Variants in TINAG observed in about 807,000 individuals in gnomAD.
The protein encoded by TINAG is tubulointerstitial nephritis antigen.
A neutral mutation model predicts 72.7 loss-of-function variants in TINAG; 83 were observed. The ratio of observed to expected loss-of-function variants is 1.14; its 90% confidence interval spans 0.96 to 1.37. The LOEUF (loss-of-function observed/expected upper bound fraction) is 1.37. Ranked by LOEUF, TINAG falls within the 40% of genes most tolerant of loss-of-function variation. The probability of loss-of-function intolerance (pLI) is 0.00; values close to 1 mark genes in which losing one functional copy is unlikely to be tolerated. For synonymous variants in TINAG, 234 were observed against 189.9 expected, an observed-to-expected ratio of 1.23 and a Z score of -1.91; for missense variants, 685 against 576.6, an observed-to-expected ratio of 1.19 and a Z score of -1.93.
intron 9 of TINAG, among the ~76,000 whole-genome samples, chr6:54,357,785 T>G (rs913641193): frequency 7.2e-5 from 11 of 151,976 alleles, no homozygotes; most frequent in Non-Finnish European, 1.5e-4. Flanking sequence ...CAAATTTTAC[T>G]GCATTGATCT....
intron 6 of TINAG, 52 bp from the exon 7 acceptor site, chr6:54,349,664 A>G (rs748040643): frequency 2.9e-6 from 4 of 1,402,746 alleles, no homozygotes; most frequent in Non-Finnish European, 2.9e-6. Flanking sequence ...TAAAAAGGAT[A>G]TTACGACATT....
chr6:54,361,145 GC>G (rs1022535960), intron 9 of TINAG, among the ~76,000 whole-genome samples: 2 of 151,046 alleles, frequency 1.3e-5, no homozygotes, highest in African/African-American at 4.9e-5. Context: ...TATCAATGGG[GC>G]GTTCTCCCTT....
chr6:54,343,347 C>A lies in TINAG; in HGVS notation c.746C>A (p.Ala249Glu). Residue 249 changes from alanine (A) to glutamate (E), a missense_variant and splice_region_variant, in exon 5 of 11, where the codon GCA becomes GAA. Coordinates refer to ENST00000259782, the MANE Select transcript of TINAG (RefSeq NM_014464.4). The part of the protein sequence containing the change: ...NCAASWAFST[A>E]SVAADRIAIQ... The stretch of plus-strand genomic sequence containing the variant: ...GCTGCATCCTGGGCATTTTCCACTG[C>A]AAGTAATAAAGTCATTTTAATTCCT... 6.5e-7 allele frequency: 1 copy of A among 1,532,318 alleles called. No individual in the cohort carries two copies. The highest frequency in any genetic ancestry group is 8.8e-7 in the Non-Finnish European group (1 of 1,136,630). The allele number at this position is 1,532,318 out of a possible 1,614,324, so 94.9% of individuals were successfully genotyped here.
intron 4 of TINAG, among the ~76,000 whole-genome samples, chr6:54,339,991 G>A (rs1784958942): frequency 6.6e-6 from 1 of 152,106 alleles, no homozygotes; most frequent in African/African-American, 2.4e-5. Context: ...AGGTTCCTGA[G>A]AAAATTGATC....
At chr6:54,382,378 T>C (rs987348281) in intron 10 of TINAG, among the ~76,000 whole-genome samples, 2 of 152,080 alleles carry the variant, frequency 1.3e-5, no homozygotes, top group African/African-American at 4.8e-5. Context: ...GATTGGTACA[T>C]AGTGAGAATA....
chr6:54,313,299 G>A (rs1346099050), intron 1 of TINAG, among the ~76,000 whole-genome samples: 1 of 151,968 alleles, frequency 6.6e-6, no homozygotes, highest in African/African-American at 2.4e-5. Flanking sequence ...GATTAGTTAG[G>A]GATCGTATTC....
chr6:54,357,797 C>T (rs1157686172), intron 9 of TINAG, among the ~76,000 whole-genome samples: 4 of 151,902 alleles, frequency 2.6e-5, no homozygotes, highest in East Asian at 3.9e-4. Flanking sequence ...CATTGATCTT[C>T]GCTCCTTGAC....
At chr6:54,309,141 G>A (rs949441403) in intron 1 of TINAG, among the ~76,000 whole-genome samples, 2 of 152,064 alleles carry the variant, frequency 1.3e-5, no homozygotes, top group East Asian at 1.9e-4. Flanking sequence ...CGTGCTGATC[G>A]GAATCCTGAT....
intron 4 of TINAG, among the ~76,000 whole-genome samples, chr6:54,338,541 G>T (rs914225098): frequency 4.6e-5 from 7 of 152,034 alleles, no homozygotes; most frequent in African/African-American, 1.7e-4. Flanking sequence ...CTAACACGGT[G>T]AAACCCCGTT....
intron 9 of TINAG, among the ~76,000 whole-genome samples, chr6:54,363,034 C>T (rs936642728): frequency 4.0e-5 from 6 of 151,574 alleles, no homozygotes; most frequent in South Asian, 4.2e-4. Context: ...TGAGAAACGT[C>T]GCTGAGGAAG....
At chr6:54,323,950 T>C (rs1784549014) in intron 3 of TINAG, among the ~76,000 whole-genome samples, 1 of 152,102 alleles carries the variant, frequency 6.6e-6, no homozygotes, top group African/African-American at 2.4e-5. Flanking sequence ...TGAGATTCTG[T>C]CTCAAACAAA....
At chr6:54,366,055 G>T (rs1156929966) in intron 9 of TINAG, among the ~76,000 whole-genome samples, 1 of 151,562 alleles carries the variant, frequency 6.6e-6, no homozygotes, top group African/African-American at 2.4e-5. Context: ...AATCACGGTA[G>T]TAGAACTATC....
intron 10 of TINAG, among the ~76,000 whole-genome samples, chr6:54,386,068 T>G (rs1764091544): frequency 6.6e-6 from 1 of 151,900 alleles, no homozygotes; most frequent in South Asian, 2.1e-4. Flanking sequence ...ATATTCGTAT[T>G]TTTGGTAGAG....
intron 9 of TINAG, among the ~76,000 whole-genome samples, chr6:54,376,586 A>T (rs1052190476): frequency 6.6e-6 from 1 of 152,192 alleles, no homozygotes; most frequent in African/African-American, 2.4e-5. Context: ...TTCTGTTCCA[A>T]TAATTTTACT....
At chr6:54,357,543 T>C (rs939413058) in intron 9 of TINAG, among the ~76,000 whole-genome samples, 2 of 152,072 alleles carry the variant, frequency 1.3e-5, no homozygotes, top group Middle Eastern at 3.4e-3. Flanking sequence ...AGCATCAATC[T>C]TTTCTATCTT....
chr6:54,316,214 A>G (rs1225397793), intron 1 of TINAG, among the ~76,000 whole-genome samples: 3 of 152,178 alleles, frequency 2.0e-5, no homozygotes, highest in Non-Finnish European at 1.5e-5. Flanking sequence ...CACAGGACAA[A>G]TATCAGTCCT....
rs1058768 is a variant in TINAG, at chr6:54,321,349, T to C, written c.472T>C (p.Ser158Pro). ...KCSQHVCLVR[S>P]ELIEQVNKGD... ...TTCCCAGCATGTATGCCTTGTTCGT[T>C]CAGAATTAATTGAACAGGTCAATAA... Residue 158 changes from serine to proline, a missense_variant, in exon 3 of 11, where the codon TCA becomes CCA. By Grantham distance (74) the Ser-to-Pro change is moderately conservative (BLOSUM62 -1). Transcript: ENST00000259782. 1,078,540 of 1,612,260 alleles carry C rather than the reference T, an allele frequency of 0.67. 363,238 individuals are homozygous for C. The highest frequency in any genetic ancestry group is 0.84 in the East Asian group (37,606 of 44,816).
chr6:54,366,928 G>A (rs531221784), intron 9 of TINAG: 1 of 151,740 alleles, frequency 6.6e-6, no homozygotes. Context: ...GTAGAGCAAG[G>A]AGGAATCTAA....
intron 9 of TINAG, among the ~76,000 whole-genome samples, chr6:54,375,776 A>C (rs1199971003): frequency 1.3e-5 from 2 of 152,104 alleles, no homozygotes; most frequent in Non-Finnish European, 2.9e-5. Context: ...GAATTTCATT[A>C]TTTCTTGCTT....
Sources: allele counts gnomAD v4.1 joint callset (sites outside exome capture counted in the v4.1 genomes callset), GRCh38; gene constraint gnomAD v4.1.1; transcripts MANE v1.5; gene names NCBI Gene and HGNC (gene_info 2026-07-23, HGNC 2026-07-21).